NCAM1: variants seen among roughly 807,000 people sequenced by gnomAD.
The protein encoded by NCAM1 is neural cell adhesion molecule 1.
Under a neutral mutation model 109.8 loss-of-function variants are expected in NCAM1, and 14 were observed. The ratio of observed to expected loss-of-function variants is 0.13; its 90% CI spans 0.08 to 0.20. NCAM1 has a LOEUF of 0.20. NCAM1 is among the 10% of genes least tolerant of loss of function. The probability of loss-of-function intolerance (pLI) is 1.00; values close to 1 mark genes in which losing one functional copy is unlikely to be tolerated. For missense variants in NCAM1, 774 were observed against 1,109.9 expected, an observed-to-expected ratio of 0.70 and a Z score of 4.30; for synonymous variants, 418 against 442.9, an observed-to-expected ratio of 0.94 and a Z score of 0.70.
chr11:113,057,564 T>C (rs7114567), intron 1 of NCAM1, among the ~76,000 whole-genome samples: 2,732 of 152,196 alleles, frequency 0.018, 85 homozygotes, highest in African/African-American at 0.063. Context: ...ACTAATGAGC[T>C]AACAGATGTC....
chr11:113,213,258 C>T (rs1005278590), intron 7 of NCAM1, among the ~76,000 whole-genome samples: 2 of 152,156 alleles, frequency 1.3e-5, no homozygotes, highest in Non-Finnish European at 2.9e-5. Flanking sequence ...GTTTCCCTAG[C>T]CTGACCTTTT....
chr11:113,151,735 C>A (rs1942230351), intron 1 of NCAM1, among the ~76,000 whole-genome samples: 1 of 152,280 alleles, frequency 6.6e-6, no homozygotes, highest in African/African-American at 2.4e-5. Flanking sequence ...CTAGCAGAGC[C>A]AGGCCCATAC....
rs1943291168 is a variant in NCAM1, at chr11:113,180,250, T to G, written c.53-22129T>G. Among the ~76,000 whole-genome samples, 3 of 152,314 alleles carry G rather than the reference T, an allele frequency of 2.0e-5. No homozygotes were observed. In the South Asian group the frequency reaches 6.2e-4, roughly 32 times the overall value. ...GCAGAGAACAGTGAGATATAGCCCC[T>G]GTCTGGAAGAGGCTTATAGTATTAT... On this transcript the variant is annotated intron_variant, in intron 1 of 19. Transcript: ENST00000316851.
intron 1 of NCAM1, among the ~76,000 whole-genome samples, chr11:112,977,933 A>G (rs1310975526): frequency 6.6e-6 from 1 of 151,912 alleles, no homozygotes; most frequent in Non-Finnish European, 1.5e-5. Context: ...TGTTCTCAAA[A>G]GGGTTTTTAT....
At chr11:113,239,141 G>C (rs1380122512) in intron 14 of NCAM1, among the ~76,000 whole-genome samples, 2 of 152,220 alleles carry the variant, frequency 1.3e-5, no homozygotes, top group Non-Finnish European at 2.9e-5. Context: ...TGGCTTACCT[G>C]TTTGGAGGTT....
chr11:113,067,592 C>A (rs1349712587), intron 1 of NCAM1, among the ~76,000 whole-genome samples: 1 of 152,214 alleles, frequency 6.6e-6, no homozygotes, highest in Non-Finnish European at 1.5e-5. Flanking sequence ...TGTCACCTGG[C>A]ATTTGAGATT....
intron 9 of NCAM1, among the ~76,000 whole-genome samples, chr11:113,225,692 G>C (rs986645998): frequency 6.6e-6 from 1 of 152,212 alleles, no homozygotes; most frequent in Non-Finnish European, 1.5e-5. Flanking sequence ...CAAAGGTCGG[G>C]TTACCCACAA....
intron 17 of NCAM1, among the ~76,000 whole-genome samples, chr11:113,265,383 A>T (rs1337535487): frequency 6.6e-6 from 1 of 152,152 alleles, no homozygotes; most frequent in Non-Finnish European, 1.5e-5. Flanking sequence ...AGCTGTTAAG[A>T]GGCATTGCTG....
chr11:113,204,637 C>G, intron 3 of NCAM1, 133 bp downstream of exon 3: 1 of 888,398 alleles, frequency 1.1e-6, no homozygotes, highest in Non-Finnish European at 1.7e-6. Context: ...CTCCCTAAGT[C>G]TTTTCTGACC....
chr11:113,207,809 A>T, intron 6 of NCAM1, 24 bp from the exon 7 acceptor site: 1 of 1,595,428 alleles, frequency 6.3e-7, no homozygotes, highest in Non-Finnish European at 8.6e-7. Flanking sequence ...AAATCATGCT[A>T]CTTTGCATTT....
chr11:113,207,497 G>A, intron 6 of NCAM1, 119 bp downstream of exon 6: 1 of 754,988 alleles, frequency 1.3e-6, no homozygotes, highest in African/African-American at 1.8e-5. Context: ...ATTAACCCCA[G>A]GAGAAGAATG....
rs77519086 is a variant in NCAM1, at chr11:112,998,362, G to A, written c.52+36698G>A. 8.2e-3 allele frequency among the ~76,000 whole-genome samples: 1,254 copies of A among 152,222 alleles called. 27 individuals are homozygous for A. Among genetic ancestry groups the A allele is most frequent in the African/African-American group, 0.028 (1,181 of 41,530 alleles). The stretch of plus-strand genomic sequence containing the variant: ...CTGGAGGCAGTTAGACTTCTTTAAG[G>A]ATGGATGGCAGAGAGATGGGGATTC... On this transcript the variant is annotated intron_variant, in intron 1 of 19. Transcript: ENST00000316851.
At chr11:113,008,666 C>T (rs1298761210) in intron 1 of NCAM1, among the ~76,000 whole-genome samples, 2 of 152,162 alleles carry the variant, frequency 1.3e-5, no homozygotes, top group Non-Finnish European at 2.9e-5. Context: ...GTCTGTCAAA[C>T]TAGTGAAACT....
chr11:113,136,106 C>T (rs1257397836), intron 1 of NCAM1, among the ~76,000 whole-genome samples: 2 of 152,006 alleles, frequency 1.3e-5, no homozygotes, highest in African/African-American at 2.4e-5. Flanking sequence ...TCGCCTGAGC[C>T]CAGGAGTTCA....
At chr11:113,261,654 C>T (rs375104916) in intron 17 of NCAM1, among the ~76,000 whole-genome samples, 21 of 152,196 alleles carry the variant, frequency 1.4e-4, no homozygotes, top group African/African-American at 5.1e-4. Context: ...CCTTCTTTCT[C>T]TCCATTCTTT....
intron 1 of NCAM1, among the ~76,000 whole-genome samples, chr11:113,095,079 T>C (rs1426038099): frequency 6.6e-6 from 1 of 152,186 alleles, no homozygotes; most frequent in Non-Finnish European, 1.5e-5. Flanking sequence ...CTCATAACCT[T>C]GAGCACTGAA....
intron 1 of NCAM1, among the ~76,000 whole-genome samples, chr11:113,089,865 G>T (rs993629954): frequency 3.9e-5 from 6 of 152,118 alleles, no homozygotes; most frequent in Non-Finnish European, 5.9e-5. Context: ...AACCAAAGAA[G>T]TACAACCAAG....
chr11:113,205,634 A>G lies in NCAM1; in HGVS notation c.458A>G (p.His153Arg). ...SSLPPTIIWK[H>R]KGRDVILKKD... is the part of the protein sequence containing the mutation. Reference sequence around the variant, plus strand: ...CTCCCACCAACCATCATCTGGAAACACAAAGGCCGAGATGTCATCCTGAAA... The same window carrying G: ...CTCCCACCAACCATCATCTGGAAACGCAAAGGCCGAGATGTCATCCTGAAA... Residue 153 changes from histidine (H) to arginine (R), a missense_variant, in exon 4 of 20, where the codon CAC (histidine) becomes CGC (arginine). Around this residue, in one of 4 missense-constraint regions of NCAM1, gnomAD observed 17 missense variants for 54.1 expected, o/e 0.31. Transcript: ENST00000316851. 6.2e-7 allele frequency: 1 copy of G among 1,613,886 alleles called. No homozygotes were observed. Among genetic ancestry groups the G allele is most frequent in the Non-Finnish European group, 8.5e-7 (1 of 1,179,844 alleles).
chr11:113,265,210 G>C lies in NCAM1; in HGVS notation c.2131+4887G>C, dbSNP rs1428928581. On this transcript the variant is annotated intron_variant, in intron 17 of 19. Transcript: ENST00000316851. ...CAGTTCATGTGAACTCACCAGCGTGGCTTGATTTTATTCAATAGTTGTGTC... is the reference window on the plus strand; with the variant it reads ...CAGTTCATGTGAACTCACCAGCGTGCCTTGATTTTATTCAATAGTTGTGTC... 5.1e-6 allele frequency: 5 copies of C among 973,988 alleles called. 1 individual carries two copies. In the South Asian group the frequency reaches 1.9e-4, roughly 37 times the overall value. The allele number at this position is 973,988 out of a possible 1,614,324, so 60.3% of individuals were successfully genotyped here.
Sources: allele counts gnomAD v4.1 joint callset (sites outside exome capture counted in the v4.1 genomes callset), GRCh38; gene constraint gnomAD v4.1.1; regional missense constraint gnomAD v4.1.1; transcripts MANE v1.5; gene names NCBI Gene and HGNC (gene_info 2026-07-23, HGNC 2026-07-21).